The following ZNF664 variants were observed in gnomAD, a reference collection of about 807,000 sequenced individuals.
The protein encoded by ZNF664 is zinc finger Organ of Corti 1.
A neutral mutation model predicts 18.2 loss-of-function variants in ZNF664; 10 were observed. That is an observed-to-expected ratio of 0.55 (90% CI 0.34 to 0.93). The LOEUF (loss-of-function observed/expected upper bound fraction) is 0.93, where lower values mean the gene tolerates loss of function less well. Ranked by LOEUF, ZNF664 falls within the 40% of genes least tolerant of loss-of-function variation. ZNF664 has a pLI of 0.02. For missense variants in ZNF664, 193 were observed against 319.0 expected, an observed-to-expected ratio of 0.61 and a Z score of 3.01; for synonymous variants, 119 against 104.2, an observed-to-expected ratio of 1.14 and a Z score of -0.86.
intron 2 of ZNF664, among the ~76,000 whole-genome samples, chr12:123,982,263 C>T (rs1260999254): frequency 1.3e-5 from 2 of 152,078 alleles, no homozygotes; most frequent in South Asian, 2.1e-4. Flanking sequence ...GAAAAGGTAG[C>T]GGAGAAAGTG....
intron 2 of ZNF664, among the ~76,000 whole-genome samples, chr12:123,975,504 A>G (rs1026425106): frequency 1.3e-5 from 2 of 151,576 alleles, no homozygotes; most frequent in Non-Finnish European, 2.9e-5. Flanking sequence ...AGTTCACTGC[A>G]GCCTGGGACT....
At chr12:124,000,352 A>G (rs1956997168) in intron 3 of ZNF664, among the ~76,000 whole-genome samples, 1 of 151,640 alleles carries the variant, frequency 6.6e-6, no homozygotes, top group Non-Finnish European at 1.5e-5. Context: ...AAACACACAC[A>G]CCACTTCCTA....
chr12:123,982,349 G>C (rs1161995975), intron 2 of ZNF664, among the ~76,000 whole-genome samples: 3 of 152,324 alleles, frequency 2.0e-5, no homozygotes, highest in African/African-American at 7.2e-5. Flanking sequence ...TCGCTGGGAA[G>C]TTGGTGGCAG....
rs1957174842 is a variant in ZNF664 at position 124,014,932 on chromosome 12, A to G, written c.*2002A>G. ...ACTTCAGATACTTTTCCTCCTTTTT[A>G]CAAAGAGAGGGCTGGCTTAGTTATT... On this transcript the variant is annotated 3_prime_UTR_variant, in exon 5 of 5. Coordinates refer to ENST00000337815, the MANE Select transcript of ZNF664 (RefSeq NM_152437.3). 1 of 167,104 alleles carries G rather than the reference A, an allele frequency of 6.0e-6. No homozygotes were observed. The highest frequency in any genetic ancestry group is 2.4e-5 in the African/African-American group (1 of 41,450). The allele number at this position is 167,104 out of a possible 1,614,324, so 10.4% of individuals were successfully genotyped here. A position where few individuals can be genotyped will look rare whatever the true frequency, so the allele number is the denominator to read the frequency against.
At chr12:123,975,138 A>C (rs1406391164) in intron 2 of ZNF664, among the ~76,000 whole-genome samples, 1 of 152,124 alleles carries the variant, frequency 6.6e-6, no homozygotes, top group Non-Finnish European at 1.5e-5. Flanking sequence ...TGCTCCATAG[A>C]GTTCAGTGAT....
rs1407267373 is a variant in ZNF664 at position 124,012,182 on chromosome 12, C to G, written c.38C>G (p.Ser13Cys). 3.1e-6 allele frequency: 5 copies of G among 1,612,186 alleles called. No individual in the cohort carries two copies. In the Admixed American group the frequency reaches 6.7e-5, roughly 22 times the overall value. ...TGCCCCATGTGTAGGGAATTTTTCT[C>G]TGAGAGAGCAGATCTTTTTATGCAT... ...YKCPMCREFFSERADLFMHQK... is the reference protein window; with the variant it reads ...YKCPMCREFFCERADLFMHQK... The change falls in exon 5 of 5, where the codon TCT (serine) becomes TGT (cysteine). Residue 13 changes from serine (S) to cysteine (C), a missense_variant. Physicochemically the swap from Ser to Cys is moderately radical, Grantham distance 112. This residue lies in a region of ZNF664 where 90 missense variants were observed against 118.9 expected (regional missense o/e 0.76). Transcript: ENST00000337815.
At chr12:123,980,318 A>G (rs1956748771) in intron 2 of ZNF664, among the ~76,000 whole-genome samples, 1 of 152,206 alleles carries the variant, frequency 6.6e-6, no homozygotes, top group African/African-American at 2.4e-5. Context: ...CACCAATTTC[A>G]TGAAGGTCTA....
chr12:123,975,852 A>C (rs900516157), intron 2 of ZNF664, among the ~76,000 whole-genome samples: 1 of 152,200 alleles, frequency 6.6e-6, no homozygotes, highest in East Asian at 1.9e-4. Flanking sequence ...TAAGTTGTAC[A>C]TGTATTTTTC....
intron 3 of ZNF664, chr12:123,998,766 T>C (rs1290043190): frequency 3.3e-5 from 5 of 152,568 alleles, no homozygotes; most frequent in African/African-American, 1.2e-4. Context: ...CATCAGATCC[T>C]CCGGAGCATA....
At chr12:124,005,633 A>G (rs1420206417) in intron 3 of ZNF664, among the ~76,000 whole-genome samples, 2 of 152,170 alleles carry the variant, frequency 1.3e-5, no homozygotes, top group African/African-American at 4.8e-5. Flanking sequence ...AAGTGGGAAT[A>G]CATTTTAAAG....
At chr12:123,993,499 C>CT (rs1956911566) in intron 3 of ZNF664, among the ~76,000 whole-genome samples, 1 of 152,180 alleles carries the variant, frequency 6.6e-6, no homozygotes, top group Admixed American at 6.5e-5. Flanking sequence ...ACTTGAGTAT[C>CT]TAAGTCTTCC....
At chr12:123,977,342 A>G (rs1367694390) in intron 2 of ZNF664, among the ~76,000 whole-genome samples, 1 of 152,122 alleles carries the variant, frequency 6.6e-6, no homozygotes, top group Non-Finnish European at 1.5e-5. Context: ...GCTATTGACT[A>G]TGAAAACAAT....
chr12:124,011,364 C>T lies in ZNF664; in HGVS notation c.-660-17C>T, dbSNP rs1028865922. On this transcript the variant is annotated splice_polypyrimidine_tract_variant and intron_variant, in intron 3 of 4. Coordinates refer to ENST00000337815, the MANE Select transcript of ZNF664 (RefSeq NM_152437.3). ...GCTGTAAACAGGAGCATGATATCTA[C>T]AAATTCTCTCCTTCAGACCTGCAAA... 1 of 802,616 alleles carries T rather than the reference C, an allele frequency of 1.2e-6. No homozygotes were observed. Among genetic ancestry groups the T allele is most frequent in the Non-Finnish European group, 1.5e-6 (1 of 665,888 alleles). The allele number at this position is 802,616 out of a possible 1,614,324, so 49.7% of individuals were successfully genotyped here. A position where few individuals can be genotyped will look rare whatever the true frequency, so the allele number is the denominator to read the frequency against.
At chr12:123,982,658 G>A (rs1332885129) in intron 2 of ZNF664, among the ~76,000 whole-genome samples, 2 of 152,190 alleles carry the variant, frequency 1.3e-5, no homozygotes, top group Non-Finnish European at 2.9e-5. Context: ...CTGTTGCAGC[G>A]CTTACAGGAG....
At chr12:123,973,643 A>AGGGCTGGGCAGCGGGCAGGGCG (rs1956630655) in intron 1 of ZNF664, 2 of 563,814 alleles carry the variant, frequency 3.5e-6, no homozygotes, top group Non-Finnish European at 4.7e-6. Context: ...GGTGCGAGCG[A>AGGGCTGGGCAGCGGGCAGGGCG]GGGCTGGGCA....
intron 3 of ZNF664, among the ~76,000 whole-genome samples, chr12:123,999,310 T>C (rs1594565075): frequency 1.3e-5 from 2 of 152,292 alleles, no homozygotes; most frequent in South Asian, 4.1e-4. Context: ...AGTGGCAAAA[T>C]TATATACCAC....
At position 124,015,186 on chromosome 12, in the gene ZNF664, T is replaced by C. The variant is rs1436070151; in HGVS notation, c.*2256T>C. 1 of 167,106 alleles carries C rather than the reference T, an allele frequency of 6.0e-6. No individual in the cohort carries two copies. Among genetic ancestry groups the C allele is most frequent in the Non-Finnish European group, 1.5e-5 (1 of 68,126 alleles). The allele number at this position is 167,106 out of a possible 1,614,324, so 10.4% of individuals were successfully genotyped here. On this transcript the variant is annotated 3_prime_UTR_variant, in exon 5 of 5. Coordinates refer to ENST00000337815, the MANE Select transcript of ZNF664 (RefSeq NM_152437.3). ...GGGCAAATCGCTTAATCTTTGAGTC[T>C]AGTTTTCTCTCAAAATGAGAACATT...
chr12:123,995,608 CAGTT>C (rs1323211546), intron 3 of ZNF664, among the ~76,000 whole-genome samples: 1 of 152,152 alleles, frequency 6.6e-6, no homozygotes, highest in Non-Finnish European at 1.5e-5. Flanking sequence ...AATTCTTTGT[CAGTT>C]AGGGCTGCCT....
intron 1 of ZNF664, chr12:123,973,603 G>A: frequency 2.5e-6 from 1 of 405,430 alleles, no homozygotes; most frequent in Non-Finnish European, 3.4e-6. Flanking sequence ...CAGTGCGGGG[G>A]AGCGGGGCCG....
Sources: gnomAD v4.1 joint callset for allele counts (sites outside exome capture counted in the v4.1 genomes callset) on GRCh38, gnomAD v4.1.1 for gene constraint, gnomAD v4.1.1 regional missense constraint, MANE v1.5 for transcripts, NCBI Gene and HGNC (gene_info 2026-07-23, HGNC 2026-07-21) for gene names.